Variants in RBFOX1 observed in about 807,000 individuals in gnomAD.
RBFOX1 encodes RNA binding protein fox-1 homolog 1.
Under a neutral mutation model 57.7 loss-of-function variants are expected in RBFOX1, and 8 were observed. The observed-to-expected ratio is 0.14, with a 90% CI of 0.08 to 0.25. RBFOX1 has a LOEUF of 0.25. Among genes scored for constraint, RBFOX1 ranks in the 10% least tolerant of loss-of-function variants. RBFOX1 has a pLI of 1.00. For synonymous variants in RBFOX1, 326 were observed against 222.4 expected, an observed-to-expected ratio of 1.47 and a Z score of -4.15; for missense variants, 611 against 548.5, an observed-to-expected ratio of 1.11 and a Z score of -1.14.
intron 1 of RBFOX1, among the ~76,000 whole-genome samples, chr16:5,433,989 T>A (rs570835615): frequency 3.3e-5 from 5 of 152,002 alleles, no homozygotes; most frequent in African/African-American, 1.2e-4. Context: ...TAACCACTCC[T>A]GGGTCCACCC....
intron 9 of RBFOX1, among the ~76,000 whole-genome samples, chr16:7,602,092 G>T (rs920769841): frequency 6.6e-6 from 1 of 152,188 alleles, no homozygotes; most frequent in Admixed American, 6.5e-5. Flanking sequence ...TCTTTGATAT[G>T]TAACCCAGCA....
intron 4 of RBFOX1, among the ~76,000 whole-genome samples, chr16:5,884,924 C>G (rs2057859629): frequency 6.6e-6 from 1 of 152,166 alleles, no homozygotes. Context: ...TCTCTTTAGA[C>G]TCTCCTGGAA....
At chr16:6,181,449 T>C (rs2152789993) in intron 1 of RBFOX1, among the ~76,000 whole-genome samples, 1 of 152,140 alleles carries the variant, frequency 6.6e-6, no homozygotes, top group South Asian at 2.1e-4. Context: ...TTTGGGGGGG[T>C]CAGTTTTGTC....
intron 3 of RBFOX1, among the ~76,000 whole-genome samples, chr16:6,965,282 A>G (rs2083875994): frequency 1.3e-5 from 2 of 151,876 alleles, no homozygotes; most frequent in Non-Finnish European, 2.9e-5. Flanking sequence ...AGAATGACCA[A>G]ACATAAACAA....
chr16:6,438,628 T>C (rs1010652333), intron 2 of RBFOX1, among the ~76,000 whole-genome samples: 2 of 152,124 alleles, frequency 1.3e-5, no homozygotes, highest in East Asian at 3.9e-4. Context: ...AGCTATAACT[T>C]ATTTGAACCC....
At chr16:5,760,748 T>G (rs954527507) in intron 3 of RBFOX1, among the ~76,000 whole-genome samples, 1 of 152,142 alleles carries the variant, frequency 6.6e-6, no homozygotes, top group Non-Finnish European at 1.5e-5. Context: ...TATTTGAAAG[T>G]AATGACAAAA....
chr16:5,608,433 G>T (rs1237145651), intron 3 of RBFOX1, among the ~76,000 whole-genome samples: 1 of 152,194 alleles, frequency 6.6e-6, no homozygotes. Flanking sequence ...TCTGTGCATG[G>T]CTGGGAACCA....
At chr16:5,760,027 G>C (rs1019864413) in intron 3 of RBFOX1, among the ~76,000 whole-genome samples, 2 of 149,924 alleles carry the variant, frequency 1.3e-5, no homozygotes, top group Non-Finnish European at 3.0e-5. Context: ...AAAAAACCTT[G>C]TATTTGAGCC....
At chr16:5,366,536 TA>T in intron 1 of RBFOX1, 1 of 411,034 alleles carries the variant, frequency 2.4e-6, no homozygotes. Context: ...CCTAGTTCTG[TA>T]GAAGATGTTA....
At chr16:6,110,839 G>A (rs8052288) in intron 1 of RBFOX1, among the ~76,000 whole-genome samples, 98,554 of 152,014 alleles carry the variant, frequency 0.65, 32,168 homozygotes, top group Middle Eastern at 0.72. Flanking sequence ...GCCAGAGACG[G>A]TGCTAATAAT....
intron 3 of RBFOX1, among the ~76,000 whole-genome samples, chr16:6,893,549 C>G (rs1567751554): frequency 6.6e-6 from 1 of 152,060 alleles, no homozygotes; most frequent in African/African-American, 2.4e-5. Context: ...TGAATCAAAC[C>G]AAGTCCATGA....
rs954836111 is a variant in RBFOX1 at position 7,711,715 on chromosome 16, C to T, written c.*970C>T. The T allele has an allele frequency of 6.6e-6, 1 of 152,424 alleles. No individual in the cohort carries two copies. The highest frequency in any genetic ancestry group is 6.6e-5 in the Admixed American group (1 of 15,264). 9.4% of individuals were successfully genotyped at this position (152,424 alleles called of 1,614,324 possible). ...GGAGTTGTTAAGTTCTAGAAACAGTCTATGAAGCTTTAGTTTTAGCCTAGT... is the reference window on the plus strand; with the variant it reads ...GGAGTTGTTAAGTTCTAGAAACAGTTTATGAAGCTTTAGTTTTAGCCTAGT... On this transcript the variant is annotated 3_prime_UTR_variant, in exon 16 of 16. Coordinates refer to ENST00000550418, the MANE Select transcript of RBFOX1 (RefSeq NM_018723.4).
intron 3 of RBFOX1, among the ~76,000 whole-genome samples, chr16:7,012,211 G>T (rs1052802934): frequency 3.3e-5 from 5 of 152,122 alleles, no homozygotes; most frequent in African/African-American, 1.2e-4. Context: ...GGGTGTTTTT[G>T]TTCAACTTGC....
At chr16:6,815,045 A>G (rs12598041) in intron 3 of RBFOX1, among the ~76,000 whole-genome samples, 1 of 151,962 alleles carries the variant, frequency 6.6e-6, no homozygotes, top group Non-Finnish European at 1.5e-5. Flanking sequence ...GGGATGGATT[A>G]TTCATAGTTT....
chr16:6,904,245 T>C (rs7501048), intron 3 of RBFOX1, among the ~76,000 whole-genome samples: 43,551 of 151,956 alleles, frequency 0.29, 7,078 homozygotes, highest in African/African-American at 0.46. Context: ...AACTGTCATT[T>C]GCAGGGACTT....
rs62016415 is a variant in RBFOX1, at chr16:6,977,207, C to G, written c.-15-74850C>G. 3.4e-5 allele frequency among the ~76,000 whole-genome samples: 4 copies of G among 116,580 alleles called. No individual in the cohort carries two copies. The South Asian group carries it at 1.1e-3, about 33-fold the overall frequency. The allele number at this position is 116,580 out of a possible 152,430, so 76.5% of individuals were successfully genotyped here. On this transcript the variant is annotated intron_variant, in intron 3 of 15. Transcript: ENST00000550418. ...TATATATCACATATATATGTTTTAT[C>G]ATATATATTATCATATAATCATATA...
intron 2 of RBFOX1, among the ~76,000 whole-genome samples, chr16:5,586,997 G>A (rs2151171861): frequency 6.6e-6 from 1 of 152,284 alleles, no homozygotes; most frequent in South Asian, 2.1e-4. Flanking sequence ...GCCCTTCCCA[G>A]AGCAAATCCT....
intron 4 of RBFOX1, among the ~76,000 whole-genome samples, chr16:7,390,025 T>C (rs911479481): frequency 6.6e-6 from 1 of 152,096 alleles, no homozygotes; most frequent in Non-Finnish European, 1.5e-5. Flanking sequence ...AGGAAACTTA[T>C]AATCATGGCA....
chr16:5,829,103 C>G (rs565594094), intron 3 of RBFOX1, among the ~76,000 whole-genome samples: 1 of 152,228 alleles, frequency 6.6e-6, no homozygotes, highest in African/African-American at 2.4e-5. Context: ...CTAGCTCCAG[C>G]TCACACTCAG....
Sources: gnomAD v4.1 joint callset for allele counts (sites outside exome capture counted in the v4.1 genomes callset) on GRCh38, gnomAD v4.1.1 for gene constraint, MANE v1.5 for transcripts, NCBI Gene and HGNC (gene_info 2026-07-23, HGNC 2026-07-21) for gene names.